The following SMIM31 variants were observed in gnomAD, a reference collection of about 807,000 sequenced individuals.
The protein encoded by SMIM31 is human epithelial cell program regulator.
At chr4:164,762,579 T>A (rs1380227294) in intron 1 of SMIM31, among the ~76,000 whole-genome samples, 6 of 149,594 alleles carry the variant, frequency 4.0e-5, no homozygotes, top group South Asian at 2.1e-4. Flanking sequence ...ATATATATAT[T>A]TTGAACCCAG....
At chr4:164,785,062 A>T (rs1312422114) in intron 2 of SMIM31, among the ~76,000 whole-genome samples, 1 of 151,826 alleles carries the variant, frequency 6.6e-6, no homozygotes, top group Non-Finnish European at 1.5e-5. Context: ...TGTCTCTACT[A>T]AAAATACAAA....
In SMIM31 at chr4:164,754,237, G is replaced by A. The variant is rs1172521942; in HGVS notation, c.-200G>A. 1 of 152,112 alleles carries A rather than the reference G, an allele frequency of 6.6e-6. No individual in the cohort carries two copies. Among genetic ancestry groups the A allele is most frequent in the East Asian group, 1.9e-4 (1 of 5,198 alleles). 9.4% of individuals were successfully genotyped at this position (152,112 alleles called of 1,614,324 possible). A position where few individuals can be genotyped will look rare whatever the true frequency, so the allele number is the denominator to read the frequency against. On this transcript the variant is annotated 5_prime_UTR_variant, in exon 1 of 3. Transcript: ENST00000507311. ...CCAGCTAAGACATTAGTAAGCCTTGGTTAGTGAAGTGGCATCAGGAAGTGC... is the reference window on the plus strand; with the variant it reads ...CCAGCTAAGACATTAGTAAGCCTTGATTAGTGAAGTGGCATCAGGAAGTGC...
At chr4:164,791,481 C>G (rs1165544413) in intron 2 of SMIM31, among the ~76,000 whole-genome samples, 1 of 152,104 alleles carries the variant, frequency 6.6e-6, no homozygotes, top group Admixed American at 6.6e-5. Flanking sequence ...TACTGGCACA[C>G]ACCACCACAC....
rs115639773 is a variant in SMIM31 at position 164,770,909 on chromosome 4, G to A, written c.112+354G>A. On this transcript the variant is annotated intron_variant, in intron 2 of 2. Transcript: ENST00000507311. ...GTGCCCACCACATGGTTACCACATG[G>A]TAACCATAGTTACCATAGTTCAGGG... 4.3e-3 allele frequency among the ~76,000 whole-genome samples: 661 copies of A among 152,140 alleles called. 5 individuals are homozygous for A. The highest frequency in any genetic ancestry group is 0.015 in the African/African-American group (617 of 41,472).
intron 2 of SMIM31, among the ~76,000 whole-genome samples, chr4:164,771,393 C>G (rs1354309037): frequency 1.3e-5 from 2 of 152,136 alleles, no homozygotes; most frequent in Non-Finnish European, 2.9e-5. Context: ...ATGTATTTCC[C>G]TCACCAGGAC....
intron 2 of SMIM31, among the ~76,000 whole-genome samples, chr4:164,787,081 G>A (rs552315963): frequency 1.1e-4 from 16 of 152,244 alleles, no homozygotes; most frequent in African/African-American, 3.1e-4. Flanking sequence ...CCTACCCTCA[G>A]GGATAGAATT....
At chr4:164,766,942 C>T (rs1732728202) in intron 1 of SMIM31, among the ~76,000 whole-genome samples, 1 of 152,090 alleles carries the variant, frequency 6.6e-6, no homozygotes, top group Admixed American at 6.6e-5. Flanking sequence ...AGAAAGTAGA[C>T]AATGAGAATG....
intron 2 of SMIM31, among the ~76,000 whole-genome samples, chr4:164,786,252 C>T (rs1241733043): frequency 6.6e-6 from 1 of 152,194 alleles, no homozygotes; most frequent in Non-Finnish European, 1.5e-5. Context: ...CCAGCAGTTA[C>T]AGCCTTTGTG....
intron 2 of SMIM31, among the ~76,000 whole-genome samples, chr4:164,799,955 A>G (rs917219058): frequency 2.0e-5 from 3 of 152,196 alleles, no homozygotes; most frequent in African/African-American, 7.2e-5. Context: ...GTAAAATTTC[A>G]AAGCCATAAG....
At chr4:164,793,347 C>T (rs992058974) in intron 2 of SMIM31, among the ~76,000 whole-genome samples, 1 of 152,114 alleles carries the variant, frequency 6.6e-6, no homozygotes, top group Non-Finnish European at 1.5e-5. Flanking sequence ...TTTGTAACCC[C>T]TGAATCTAAA....
chr4:164,787,909 T>C (rs1371991531), intron 2 of SMIM31, among the ~76,000 whole-genome samples: 2 of 152,202 alleles, frequency 1.3e-5, no homozygotes, highest in Non-Finnish European at 2.9e-5. Context: ...TCTACTTATA[T>C]ATAGATGTAC....
At chr4:164,775,532 A>G (rs1361462623) in intron 2 of SMIM31, among the ~76,000 whole-genome samples, 1 of 152,204 alleles carries the variant, frequency 6.6e-6, no homozygotes, top group Non-Finnish European at 1.5e-5. Context: ...AAAATTCTGC[A>G]GTAAAACTAC....
intron 2 of SMIM31, among the ~76,000 whole-genome samples, chr4:164,789,661 G>A (rs1371771077): frequency 6.6e-6 from 1 of 152,200 alleles, no homozygotes; most frequent in African/African-American, 2.4e-5. Flanking sequence ...TTACAGAGAT[G>A]TAAGGGTTTA....
intron 2 of SMIM31, among the ~76,000 whole-genome samples, chr4:164,798,789 G>T (rs1389785336): frequency 2.0e-5 from 3 of 152,174 alleles, no homozygotes; most frequent in Admixed American, 6.5e-5. Flanking sequence ...GTTGTTGAAG[G>T]TGGGGCCCGG....
chr4:164,779,373 G>A (rs1192139120), intron 2 of SMIM31, among the ~76,000 whole-genome samples: 1 of 152,212 alleles, frequency 6.6e-6, no homozygotes, highest in Non-Finnish European at 1.5e-5. Flanking sequence ...ATGCCAAAAT[G>A]TCTGGATCCT....
chr4:164,789,183 T>C (rs1733068560), intron 2 of SMIM31, among the ~76,000 whole-genome samples: 1 of 152,206 alleles, frequency 6.6e-6, no homozygotes, highest in African/African-American at 2.4e-5. Flanking sequence ...GGCTAGCCTC[T>C]GAATGTTTGC....
chr4:164,776,324 C>CTAGA (rs1335871913), intron 2 of SMIM31, among the ~76,000 whole-genome samples: 1 of 152,088 alleles, frequency 6.6e-6, no homozygotes, highest in African/African-American at 2.4e-5. Flanking sequence ...AAATAATGAA[C>CTAGA]TAGAGTTCCA....
chr4:164,792,351 A>G (rs1482611740), intron 2 of SMIM31, among the ~76,000 whole-genome samples: 2 of 152,226 alleles, frequency 1.3e-5, no homozygotes, highest in Non-Finnish European at 2.9e-5. Context: ...TATAATATCT[A>G]GGCAATATTT....
At chr4:164,782,379 T>TTA (rs1732963310) in intron 2 of SMIM31, among the ~76,000 whole-genome samples, 1 of 140,020 alleles carries the variant, frequency 7.1e-6, no homozygotes, top group Non-Finnish European at 1.6e-5. Flanking sequence ...TTTCTTTTAT[T>TTA]TTTTTTTTTT....
Sources: gnomAD v4.1 joint callset for allele counts (sites outside exome capture counted in the v4.1 genomes callset) on GRCh38, gnomAD v4.1.1 for gene constraint, MANE v1.5 for transcripts, NCBI Gene and HGNC (gene_info 2026-07-23, HGNC 2026-07-21) for gene names.